FAXC: variants seen among roughly 807,000 people sequenced by gnomAD.
FAXC encodes the protein failed axon connections homolog.
A neutral mutation model predicts 41.9 loss-of-function variants in FAXC; 10 were observed. The observed-to-expected ratio is 0.24, with a 90% confidence interval of 0.15 to 0.41. The LOEUF (loss-of-function observed/expected upper bound fraction) is 0.41. Among genes scored for constraint, FAXC ranks in the 10% least tolerant of loss-of-function variants. The pLI is 1.00. For missense variants in FAXC, 399 were observed against 510.9 expected (o/e 0.78, Z 2.11); for synonymous variants, 183 against 183.8 (o/e 1.00, Z 0.03).
At position 99,281,375 on chromosome 6, in the gene FAXC, T is replaced by C. The variant is rs1435177095; in HGVS notation, c.1019A>G (p.Asn340Ser). Reference protein sequence around the residue: ...FWPEWHHDDDNTIYESEESSE... With the variant: ...FWPEWHHDDDSTIYESEESSE... The stretch of plus-strand genomic sequence containing the variant: ...GCTCTCCTCAGACTCATAGATGGTA[T>C]TGTCATCATCGTGGTGCCACTCTGG... Residue 340 changes from asparagine (N) to serine (S), a missense_variant, in exon 6 of 6, where the codon AAT becomes AGT. Asn to Ser is a conservative substitution (Grantham distance 46, BLOSUM62 1). Transcript: ENST00000389677. 3.1e-6 allele frequency: 5 copies of C among 1,614,068 alleles called. No homozygotes were observed. Among genetic ancestry groups the C allele is most frequent in the African/African-American group, 2.7e-5 (2 of 74,922 alleles).
In FAXC at chr6:99,273,439, T is replaced by C. The variant is rs1770485645; in HGVS notation, c.*7725A>G. The C allele has an allele frequency of 6.6e-6, 1 of 151,362 alleles. No individual in the cohort carries two copies. The highest frequency in any genetic ancestry group is 1.5e-5 in the Non-Finnish European group (1 of 67,940). 9.4% of individuals were successfully genotyped at this position (151,362 alleles called of 1,614,324 possible). A position where few individuals can be genotyped will look rare whatever the true frequency, so the allele number is the denominator to read the frequency against. ...AATTCACAGACAATACATCCTGCATTTGCATTATCTGGGTATCACCTCACC... is the reference window on the plus strand; with the variant it reads ...AATTCACAGACAATACATCCTGCATCTGCATTATCTGGGTATCACCTCACC... On this transcript the variant is annotated 3_prime_UTR_variant, in exon 6 of 6. Coordinates refer to ENST00000389677, the MANE Select transcript of FAXC (RefSeq NM_032511.4).
At chr6:99,310,960 A>G (rs1277730833) in intron 4 of FAXC, among the ~76,000 whole-genome samples, 1 of 152,210 alleles carries the variant, frequency 6.6e-6, no homozygotes, top group Non-Finnish European at 1.5e-5. Flanking sequence ...GAGTAGGAAG[A>G]GCAGGTATTA....
chr6:99,318,861 C>T (rs1260373801), intron 4 of FAXC, among the ~76,000 whole-genome samples: 2 of 152,188 alleles, frequency 1.3e-5, no homozygotes, highest in Non-Finnish European at 2.9e-5. Flanking sequence ...GATTCCCACA[C>T]CCATATGCCA....
chr6:99,313,209 C>T (rs892281634), intron 4 of FAXC, among the ~76,000 whole-genome samples: 1 of 152,220 alleles, frequency 6.6e-6, no homozygotes, highest in African/African-American at 2.4e-5. Context: ...AGAAGGATCG[C>T]TTGAGCCCAG....
intron 4 of FAXC, among the ~76,000 whole-genome samples, chr6:99,319,395 TC>T (rs1359748070): frequency 8.9e-6 from 1 of 112,052 alleles, no homozygotes. Context: ...CGAGACTCCG[TC>T]TCAAAAAAAA....
chr6:99,314,244 C>T (rs1582654608), intron 4 of FAXC, among the ~76,000 whole-genome samples: 1 of 152,180 alleles, frequency 6.6e-6, no homozygotes, highest in East Asian at 1.9e-4. Flanking sequence ...TCCCCCTCTA[C>T]ACATACACAT....
chr6:99,329,885 G>A (rs1051771486), intron 3 of FAXC, among the ~76,000 whole-genome samples: 4 of 150,170 alleles, frequency 2.7e-5, no homozygotes, highest in Admixed American at 6.6e-5. Flanking sequence ...CATACACACA[G>A]GCATTAGAAC....
intron 4 of FAXC, among the ~76,000 whole-genome samples, chr6:99,297,864 T>C (rs934915100): frequency 6.6e-6 from 1 of 152,198 alleles, no homozygotes; most frequent in Non-Finnish European, 1.5e-5. Flanking sequence ...CCCAGTCTAC[T>C]GGAACCTCTC....
rs1770616568 is a variant in FAXC, at chr6:99,276,309, T to G, written c.*4855A>C. The G allele has an allele frequency of 6.6e-6, 1 of 152,214 alleles. No individual in the cohort carries two copies. Among genetic ancestry groups the G allele is most frequent in the South Asian group, 2.1e-4 (1 of 4,832 alleles). The allele number at this position is 152,214 out of a possible 1,614,324, so 9.4% of individuals were successfully genotyped here. Reference sequence around the variant, plus strand: ...CCTGATTGTGCAGACCTTTCTTCTTTAAGGAAGAAAAATCCAGCCTCTTCT... The same window carrying G: ...CCTGATTGTGCAGACCTTTCTTCTTGAAGGAAGAAAAATCCAGCCTCTTCT... On this transcript the variant is annotated 3_prime_UTR_variant, in exon 6 of 6. Transcript: ENST00000389677.
intron 2 of FAXC, among the ~76,000 whole-genome samples, 197 bp downstream of exon 2, chr6:99,342,701 C>T (rs565779691): frequency 6.6e-6 from 1 of 152,298 alleles, no homozygotes; most frequent in Admixed American, 6.5e-5. Context: ...AAAGTTTAGA[C>T]CTTTTTGATC....
chr6:99,320,187 C>T (rs888713461), intron 4 of FAXC, among the ~76,000 whole-genome samples: 2 of 152,086 alleles, frequency 1.3e-5, no homozygotes, highest in Non-Finnish European at 2.9e-5. Context: ...GTCTTTGAGT[C>T]CTATTTTACT....
In FAXC at chr6:99,281,024, G is replaced by A. The variant is rs1223714577; in HGVS notation, c.*140C>T. ...TTTTGTTTGTACAAAAAAGAAATAA[G>A]GCTGCTATAGTCCAGTTAGCATGTG... On this transcript the variant is annotated 3_prime_UTR_variant, in exon 6 of 6. Transcript: ENST00000389677. 1.6e-6 allele frequency: 1 copy of A among 640,954 alleles called. No individual in the cohort carries two copies. Among genetic ancestry groups the A allele is most frequent in the Non-Finnish European group, 2.8e-6 (1 of 353,770 alleles). The allele number at this position is 640,954 out of a possible 1,614,324, so 39.7% of individuals were successfully genotyped here.
Position 99,333,537 on chromosome 6 carries a change from C to T in FAXC, c.413G>A (p.Gly138Asp). 6.2e-7 allele frequency: 1 copy of T among 1,608,598 alleles called. No homozygotes were observed. The highest frequency in any genetic ancestry group is 2.2e-5 in the East Asian group (1 of 44,850). The change falls in exon 3 of 6, where the codon GGT becomes GAT. Residue 138 changes from glycine (G) to aspartate (D), a missense_variant. Coordinates refer to ENST00000389677, the MANE Select transcript of FAXC (RefSeq NM_032511.4). Reference protein sequence around the residue: ...MADLPYQNYFGGKLSAQGKMP... With the variant: ...MADLPYQNYFDGKLSAQGKMP... ...TTTCCCTTGAGCAGAGAGTTTTCCA[C>T]CAAAATAGTTCTAAGCAGAGTACAT...
intron 4 of FAXC, among the ~76,000 whole-genome samples, chr6:99,308,610 C>CAAA (rs200816136): frequency 2.2e-5 from 2 of 92,486 alleles, no homozygotes. Context: ...ATCTATAATT[C>CAAA]AAAAAAAAAA....
chr6:99,283,997 A>C (rs2128447132), intron 5 of FAXC: 1 of 152,328 alleles, frequency 6.6e-6, no homozygotes, highest in East Asian at 1.9e-4. Context: ...CTCTGTGATC[A>C]TGTGACATTA....
Position 99,281,163 on chromosome 6 carries a change from G to A in FAXC, c.*1C>T, listed in dbSNP as rs146983038. Reference sequence around the variant, plus strand: ...AGGAAGAGGGTCAGTGAGGCTGGACGTCACTTGCACTGTTCGTGGTCTGTA... The same window carrying A: ...AGGAAGAGGGTCAGTGAGGCTGGACATCACTTGCACTGTTCGTGGTCTGTA... On this transcript the variant is annotated 3_prime_UTR_variant, in exon 6 of 6. Transcript: ENST00000389677. The A allele has an allele frequency of 4.4e-4, 583 of 1,323,836 alleles. 3 individuals carry two copies. In the South Asian group the frequency reaches 4.4e-3, roughly 10 times the overall value. The allele number at this position is 1,323,836 out of a possible 1,614,324, so 82.0% of individuals were successfully genotyped here. A position where few individuals can be genotyped will look rare whatever the true frequency, so the allele number is the denominator to read the frequency against.
intron 3 of FAXC, among the ~76,000 whole-genome samples, chr6:99,323,923 C>T (rs1029378372): frequency 3.3e-5 from 5 of 152,078 alleles, no homozygotes; most frequent in Non-Finnish European, 7.3e-5. Flanking sequence ...ACCCTCAGAC[C>T]TCTCCCCTCC....
At chr6:99,291,037 C>T (rs373697895) in intron 5 of FAXC, among the ~76,000 whole-genome samples, 1 of 152,042 alleles carries the variant, frequency 6.6e-6, no homozygotes, top group East Asian at 1.9e-4. Context: ...GTCTCGAACT[C>T]CTGACTTTGT....
intron 2 of FAXC, among the ~76,000 whole-genome samples, chr6:99,334,366 A>T (rs1164028735): frequency 6.6e-6 from 1 of 152,040 alleles, no homozygotes; most frequent in Non-Finnish European, 1.5e-5. Flanking sequence ...AGAAAATAGA[A>T]CCTCCTCTGG....
Sources: allele counts gnomAD v4.1 joint callset (sites outside exome capture counted in the v4.1 genomes callset), GRCh38; gene constraint gnomAD v4.1.1; transcripts MANE v1.5; gene names NCBI Gene and HGNC (gene_info 2026-07-23, HGNC 2026-07-21).